ASCC2: variants seen among roughly 807,000 people sequenced by gnomAD.
ASCC2 encodes the protein activating signal cointegrator 1 complex subunit 2.
A neutral mutation model predicts 93.5 loss-of-function variants in ASCC2; 42 were observed. The ratio of observed to expected loss-of-function variants is 0.45; its 90% confidence interval spans 0.35 to 0.58. ASCC2 has a LOEUF of 0.58. Among genes scored for constraint, ASCC2 ranks in the 20% least tolerant of loss-of-function variants. ASCC2 has a pLI of 0.00. For missense variants in ASCC2, 859 were observed against 977.6 expected (o/e 0.88, Z 1.62); for synonymous variants, 364 against 384.2 (o/e 0.95, Z 0.62).
At chr22:29,804,525 A>C in intron 13 of ASCC2, 113 bp downstream of exon 13, 3 of 1,346,356 alleles carry the variant, frequency 2.2e-6, no homozygotes, top group Non-Finnish European at 3.1e-6. Context: ...TCCCCAAAAA[A>C]ACTTTTTCCC....
intron 4 of ASCC2, 129 bp downstream of exon 4, chr22:29,824,958 G>A (rs1256580284): frequency 1.1e-6 from 1 of 937,150 alleles, no homozygotes; most frequent in Non-Finnish European, 1.5e-6. Flanking sequence ...CCCCAACAGT[G>A]GGAATAAAGA....
At chr22:29,831,477 T>C (rs547709296) in intron 2 of ASCC2, among the ~76,000 whole-genome samples, 1 of 152,316 alleles carries the variant, frequency 6.6e-6, no homozygotes, top group East Asian at 1.9e-4. Context: ...TGTATAAATG[T>C]CAGGTACTAT....
intron 11 of ASCC2, 58 bp from the exon 12 acceptor site, chr22:29,806,348 C>A: frequency 6.3e-7 from 1 of 1,586,690 alleles, no homozygotes; most frequent in Non-Finnish European, 8.7e-7. Flanking sequence ...GAATGCTGTG[C>A]TGCTGCAGGC....
intron 15 of ASCC2, 82 bp from the exon 16 acceptor site, chr22:29,793,758 G>T: frequency 7.7e-7 from 1 of 1,297,372 alleles, no homozygotes; most frequent in East Asian, 2.5e-5. Flanking sequence ...AGAGACCACA[G>T]GCTTAACTGC....
chr22:29,792,687 A>G (rs1446375866), intron 17 of ASCC2, 152 bp from the exon 18 acceptor site: 1 of 1,091,734 alleles, frequency 9.2e-7, no homozygotes, highest in East Asian at 2.6e-5. Context: ...GATTTGCTCC[A>G]GCCCCTGGAT....
At chr22:29,801,794 C>A (rs1405724039) in intron 14 of ASCC2, among the ~76,000 whole-genome samples, 200 bp downstream of exon 14, 1 of 152,158 alleles carries the variant, frequency 6.6e-6, no homozygotes, top group Non-Finnish European at 1.5e-5. Flanking sequence ...TGTGTACACT[C>A]TCTGCCCTGC....
intron 8 of ASCC2, chr22:29,810,109 C>A (rs2060118038): frequency 6.6e-6 from 1 of 152,546 alleles, no homozygotes; most frequent in Non-Finnish European, 1.5e-5. Flanking sequence ...CTGGCCACTG[C>A]TCTTCTCTTC....
At position 29,825,538 on chromosome 22, in the gene ASCC2, C is replaced by T; in HGVS notation, c.240+84G>A. 1 of 1,589,330 alleles carries T rather than the reference C, an allele frequency of 6.3e-7. No individual in the cohort carries two copies. The highest frequency in any genetic ancestry group is 8.6e-7 in the Non-Finnish European group (1 of 1,158,668). On this transcript the variant is annotated intron_variant, in intron 3 of 19. Coordinates refer to ENST00000307790, the MANE Select transcript of ASCC2 (RefSeq NM_032204.5). The surrounding 1 kb of genome is among the most constrained non-coding windows in gnomAD (Gnocchi z 4.9). ...GAAAGAAGTAGACAAAAAAGCACCT[C>T]CTAGGGGAAGAAAAACAACAACAGC...
chr22:29,802,682 C>G (rs1177357128), intron 13 of ASCC2, among the ~76,000 whole-genome samples: 1 of 151,880 alleles, frequency 6.6e-6, no homozygotes, highest in African/African-American at 2.4e-5. Flanking sequence ...GTGGCTCATG[C>G]CTGTAATCCT....
At chr22:29,819,210 G>C (rs2061262896) in intron 5 of ASCC2, among the ~76,000 whole-genome samples, 2 of 152,134 alleles carry the variant, frequency 1.3e-5, no homozygotes, top group South Asian at 4.1e-4. Flanking sequence ...GCCCAGGCTG[G>C]AGTGCAATGG....
chr22:29,822,839 G>A lies in ASCC2; in HGVS notation c.412-375C>T, dbSNP rs1457541439. On this transcript the variant is annotated intron_variant, in intron 4 of 19. Transcript: ENST00000307790. Reference sequence around the variant, plus strand: ...CAGCTCAAGCCATTCTCCCACTTCAGTCTCTTGAGTAGCCGGACTACAGGC... The same window carrying A: ...CAGCTCAAGCCATTCTCCCACTTCAATCTCTTGAGTAGCCGGACTACAGGC... Among the ~76,000 whole-genome samples the A allele has an allele frequency of 2.7e-5, 4 of 148,200 alleles. No homozygotes were observed. In the East Asian group the frequency reaches 8.0e-4, roughly 30 times the overall value.
chr22:29,832,933 T>C (rs991030205), intron 1 of ASCC2, among the ~76,000 whole-genome samples: 1 of 151,920 alleles, frequency 6.6e-6, no homozygotes, highest in Non-Finnish European at 1.5e-5. Flanking sequence ...TAGAGACAGG[T>C]TTTATTTTTT....
chr22:29,827,588 T>A (rs1392054347), intron 2 of ASCC2: 3 of 471,048 alleles, frequency 6.4e-6, no homozygotes, highest in Non-Finnish European at 1.3e-5. Context: ...ATCATGGAGT[T>A]ACAGGTACAA....
chr22:29,828,735 G>T (rs1010136938), intron 2 of ASCC2, among the ~76,000 whole-genome samples: 6 of 152,200 alleles, frequency 3.9e-5, no homozygotes, highest in Non-Finnish European at 5.9e-5. Context: ...CAGTGGTTTG[G>T]ATGGGGAAAG....
rs755984785 is a variant in ASCC2 at position 29,814,798 on chromosome 22, T to C, written c.610-31A>G. Reference sequence around the variant, plus strand: ...AAAGACAAGAACGGGCTCTCTCACATCATACTGAACCAGGGCTAGGACCCC... The same window carrying C: ...AAAGACAAGAACGGGCTCTCTCACACCATACTGAACCAGGGCTAGGACCCC... On this transcript the variant is annotated intron_variant, in intron 6 of 19. Transcript: ENST00000307790. 7 of 1,580,948 alleles carry C rather than the reference T, an allele frequency of 4.4e-6. No individual in the cohort carries two copies. In the East Asian group the frequency reaches 6.8e-5, roughly 15 times the overall value.
intron 17 of ASCC2, among the ~76,000 whole-genome samples, chr22:29,792,818 G>A (rs1042913083): frequency 6.6e-6 from 1 of 152,132 alleles, no homozygotes; most frequent in African/African-American, 2.4e-5. Context: ...GGGAATCGCT[G>A]TAACATTCCA....
chr22:29,811,226 C>T (rs1054162155), intron 8 of ASCC2, among the ~76,000 whole-genome samples: 1 of 152,086 alleles, frequency 6.6e-6, no homozygotes, highest in Non-Finnish European at 1.5e-5. Context: ...ATATGCCAGC[C>T]TTAAATTTTT....
intron 18 of ASCC2, 73 bp downstream of exon 18, chr22:29,792,360 G>C (rs1369037160): frequency 6.3e-7 from 1 of 1,588,060 alleles, no homozygotes; most frequent in Non-Finnish European, 8.6e-7. Flanking sequence ...ACATAGGGAG[G>C]GGTGAGGGGC....
chr22:29,825,466 T>A lies in ASCC2; in HGVS notation c.240+156A>T. The A allele has an allele frequency of 3.3e-6, 4 of 1,210,024 alleles. No individual in the cohort carries two copies. The South Asian group carries it at 4.3e-5, about 13-fold the overall frequency. The allele number at this position is 1,210,024 out of a possible 1,614,324, so 75.0% of individuals were successfully genotyped here. ...AGGTGTGTAAACATTAAGATTGTGA[T>A]ACAAGACAGAGCAATCCGAACCACA... On this transcript the variant is annotated intron_variant, in intron 3 of 19. Coordinates refer to ENST00000307790, the MANE Select transcript of ASCC2 (RefSeq NM_032204.5). The surrounding 1 kb of genome is among the most constrained non-coding windows in gnomAD (Gnocchi z 4.9).
Sources: gnomAD v4.1 joint callset for allele counts (sites outside exome capture counted in the v4.1 genomes callset) on GRCh38, gnomAD v4.1.1 for gene constraint, Gnocchi (gnomAD v3.1) non-coding constraint, MANE v1.5 for transcripts, NCBI Gene and HGNC (gene_info 2026-07-23, HGNC 2026-07-21) for gene names.